The following CDH11 variants were observed in gnomAD, a reference collection of about 807,000 sequenced individuals.
CDH11 encodes cadherin 11, also known as cadherin-11.
CDH11 carries 11 observed loss-of-function variants against 67.8 expected under a neutral mutation model. The ratio of observed to expected loss-of-function variants is 0.16; its 90% CI spans 0.10 to 0.27. CDH11 has a LOEUF of 0.27. Ranked by LOEUF, CDH11 falls within the 10% of genes least tolerant of loss-of-function variation. The pLI is 1.00. For missense variants in CDH11, 847 were observed against 1,031.2 expected (o/e 0.82, Z 2.45); for synonymous variants, 419 against 400.0 (o/e 1.05, Z -0.57).
At chr16:64,964,325 T>A (rs932372953) in intron 11 of CDH11, among the ~76,000 whole-genome samples, 1 of 152,190 alleles carries the variant, frequency 6.6e-6, no homozygotes, top group Non-Finnish European at 1.5e-5. Context: ...TGTTACTCTG[T>A]TGAATACTGT....
chr16:64,982,438 G>A, intron 7 of CDH11, 137 bp from the exon 8 acceptor site: 1 of 678,880 alleles, frequency 1.5e-6, no homozygotes, highest in South Asian at 2.0e-5. Context: ...CCAATTACCT[G>A]AGCCATTTGG....
At chr16:65,083,944 A>G (rs2074653361) in intron 1 of CDH11, among the ~76,000 whole-genome samples, 1 of 152,136 alleles carries the variant, frequency 6.6e-6, no homozygotes, top group African/African-American at 2.4e-5. Flanking sequence ...TTTCCAGGAG[A>G]CATTTGGTAA....
At chr16:65,039,145 C>T (rs1417878142) in intron 2 of CDH11, among the ~76,000 whole-genome samples, 1 of 152,196 alleles carries the variant, frequency 6.6e-6, no homozygotes, top group African/African-American at 2.4e-5. Context: ...GTAGAATGCG[C>T]ACTTGCCTCC....
At chr16:65,026,004 T>C (rs1243476982) in intron 2 of CDH11, among the ~76,000 whole-genome samples, 2 of 152,128 alleles carry the variant, frequency 1.3e-5, no homozygotes, top group African/African-American at 4.8e-5. Flanking sequence ...TTATCCATGA[T>C]ATGGGGTGAA....
intron 7 of CDH11, chr16:64,987,871 G>A: frequency 7.1e-6 from 2 of 282,364 alleles, no homozygotes; most frequent in Non-Finnish European, 1.3e-5. Context: ...TTATCTCATT[G>A]TCCTTCCCTC....
At chr16:64,994,725 G>C (rs1021960755) in intron 4 of CDH11, among the ~76,000 whole-genome samples, 3 of 152,128 alleles carry the variant, frequency 2.0e-5, no homozygotes, top group Non-Finnish European at 4.4e-5. Flanking sequence ...TGAGGCAAGA[G>C]CAAGAAATAA....
At chr16:65,112,511 C>A (rs1469212397) in intron 1 of CDH11, among the ~76,000 whole-genome samples, 3 of 152,180 alleles carry the variant, frequency 2.0e-5, no homozygotes, top group Non-Finnish European at 4.4e-5. Flanking sequence ...ACCTAGTATT[C>A]TCTGTGCTGT....
At chr16:64,987,407 T>C (rs753023712) in intron 7 of CDH11, 1 of 152,126 alleles carries the variant, frequency 6.6e-6, no homozygotes, top group Non-Finnish European at 1.5e-5. Context: ...CCCAATCTCC[T>C]CAAAATTAAG....
chr16:65,040,647 G>A (rs1028027401), intron 2 of CDH11, among the ~76,000 whole-genome samples: 1 of 152,120 alleles, frequency 6.6e-6, no homozygotes, highest in African/African-American at 2.4e-5. Context: ...CATGGCACAT[G>A]TATACATATG....
chr16:65,057,641 A>G (rs2074167587), intron 1 of CDH11, among the ~76,000 whole-genome samples: 1 of 152,146 alleles, frequency 6.6e-6, no homozygotes, highest in African/African-American at 2.4e-5. Context: ...GTGCAGAGCC[A>G]TATCCTTCCT....
intron 8 of CDH11, among the ~76,000 whole-genome samples, chr16:64,975,879 T>C (rs557251811): frequency 6.6e-6 from 1 of 152,064 alleles, no homozygotes; most frequent in South Asian, 2.1e-4. Context: ...TTTAAAAAAT[T>C]AAAAAGAAAA....
intron 7 of CDH11, 123 bp downstream of exon 7, chr16:64,988,034 G>C: frequency 1.5e-6 from 1 of 682,194 alleles, no homozygotes; most frequent in Non-Finnish European, 2.5e-6. Context: ...CAACTACAAA[G>C]TCAGGTCAGC....
At chr16:65,065,143 C>A (rs1049743287) in intron 1 of CDH11, among the ~76,000 whole-genome samples, 2 of 152,156 alleles carry the variant, frequency 1.3e-5, no homozygotes, top group African/African-American at 4.8e-5. Flanking sequence ...AATGCCAGTT[C>A]CGACATGGTG....
At chr16:65,092,779 T>C (rs1489444473) in intron 1 of CDH11, among the ~76,000 whole-genome samples, 1 of 147,878 alleles carries the variant, frequency 6.8e-6, no homozygotes, top group African/African-American at 2.6e-5. Flanking sequence ...TTGAGGGACA[T>C]TTTCCAAAAA....
At chr16:64,997,385 TAAA>T (rs74374709) in intron 4 of CDH11, among the ~76,000 whole-genome samples, 1 of 94,068 alleles carries the variant, frequency 1.1e-5, no homozygotes, top group Non-Finnish European at 2.4e-5. Flanking sequence ...AAGTTGAAAC[TAAA>T]AAAAAAAAAA....
chr16:64,960,397 T>G (rs2142395638), intron 11 of CDH11, among the ~76,000 whole-genome samples: 1 of 152,318 alleles, frequency 6.6e-6, no homozygotes, highest in Non-Finnish European at 1.5e-5. Flanking sequence ...CCACTTTTCT[T>G]AAGTGTTGGG....
chr16:65,088,458 A>C (rs1260595607), intron 1 of CDH11, among the ~76,000 whole-genome samples: 1 of 152,148 alleles, frequency 6.6e-6, no homozygotes, highest in Admixed American at 6.6e-5. Context: ...ATAGATTGTG[A>C]TTTACATACA....
intron 1 of CDH11, among the ~76,000 whole-genome samples, chr16:65,095,326 A>G (rs1257076757): frequency 1.3e-5 from 2 of 152,158 alleles, no homozygotes; most frequent in Non-Finnish European, 2.9e-5. Flanking sequence ...GAGAGAAACA[A>G]TGTGCTTTAC....
intron 3 of CDH11, among the ~76,000 whole-genome samples, chr16:65,001,414 C>T (rs1199598148): frequency 1.3e-5 from 2 of 152,194 alleles, no homozygotes; most frequent in East Asian, 3.9e-4. Flanking sequence ...CTGCCCCACA[C>T]CGCCATCTTA....
Sources: allele counts gnomAD v4.1 joint callset (sites outside exome capture counted in the v4.1 genomes callset), GRCh38; gene constraint gnomAD v4.1.1; transcripts MANE v1.5; gene names NCBI Gene and HGNC (gene_info 2026-07-23, HGNC 2026-07-21).